The following ATG4B variants were observed in gnomAD, a reference collection of about 807,000 sequenced individuals.
The protein encoded by ATG4B is cysteine protease ATG4B.
ATG4B carries 29 observed loss-of-function variants against 56.6 expected under a neutral mutation model. The observed-to-expected ratio is 0.51, with a 90% confidence interval of 0.38 to 0.70. The LOEUF (loss-of-function observed/expected upper bound fraction) is 0.70. Among genes scored for constraint, ATG4B ranks in the 30% least tolerant of loss-of-function variants. The pLI, the probability that ATG4B is intolerant of heterozygous loss-of-function variation, is 0.00. For synonymous variants in ATG4B, 224 were observed against 206.1 expected, an observed-to-expected ratio of 1.09 and a Z score of -0.74; for missense variants, 461 against 515.5, an observed-to-expected ratio of 0.89 and a Z score of 1.02.
intron 1 of ATG4B, among the ~76,000 whole-genome samples, chr2:241,642,135 C>T (rs1397013711): frequency 6.6e-6 from 1 of 150,656 alleles, no homozygotes; most frequent in African/African-American, 2.4e-5. Flanking sequence ...GTTAGCATAA[C>T]ATGTAATGAA....
intron 7 of ATG4B, among the ~76,000 whole-genome samples, chr2:241,664,569 T>C (rs1383215329): frequency 1.3e-5 from 2 of 151,952 alleles, no homozygotes; most frequent in African/African-American, 2.4e-5. Flanking sequence ...ACAACTCCCT[T>C]AAGGCTGGGC....
intron 1 of ATG4B, among the ~76,000 whole-genome samples, chr2:241,645,084 T>G (rs956450778): frequency 6.6e-6 from 1 of 152,214 alleles, no homozygotes; most frequent in African/African-American, 2.4e-5. Flanking sequence ...CATTGTGTCT[T>G]CCTCTTCAGC....
chr2:241,648,328 G>A (rs1012423595), intron 1 of ATG4B, among the ~76,000 whole-genome samples: 3 of 152,098 alleles, frequency 2.0e-5, no homozygotes, highest in African/African-American at 7.2e-5. Context: ...CAGGTGCAGT[G>A]GCTCATGCCT....
Position 241,666,630 on chromosome 2 carries a change from T to C in ATG4B, c.539-15T>C, listed in dbSNP as rs1166040099. 1.9e-6 allele frequency: 3 copies of C among 1,612,624 alleles called. No individual in the cohort carries two copies. Among genetic ancestry groups the C allele is most frequent in the Non-Finnish European group, 2.5e-6 (3 of 1,179,552 alleles). On this transcript the variant is annotated splice_polypyrimidine_tract_variant and intron_variant, in intron 7 of 12. Coordinates refer to ENST00000404914, the MANE Select transcript of ATG4B (RefSeq NM_013325.5). ...CAGGTCTGCTTGGTTAGTGAAAGCA[T>C]GTCTCCCTTTCTAGGAAGGTTGTGC...
Position 241,670,728 on chromosome 2 carries a change from G to A in ATG4B, c.960G>A (p.Gly320=). 6.2e-7 allele frequency: 1 copy of A among 1,610,114 alleles called. No homozygotes were observed. Among genetic ancestry groups the A allele is most frequent in the African/African-American group, 1.3e-5 (1 of 75,010 alleles). Residue 320 remains glycine (G), a splice_region_variant and synonymous_variant, in exon 11 of 13, where the codon GGG becomes GGA. Coordinates refer to ENST00000404914, the MANE Select transcript of ATG4B (RefSeq NM_013325.5). The part of the protein sequence containing the change: ...IAELDPSIAV[G]FFCKTEDDFN... ...TGCTCATCGTCATTTCGTTTTAGGG[G>A]TTTTTCTGTAAGACTGAAGATGACT...
rs771508969 is a variant in ATG4B, at chr2:241,648,800, G to A, written c.11-2210G>A. Among the ~76,000 whole-genome samples, 125 of 152,156 alleles carry A rather than the reference G, an allele frequency of 8.2e-4. 3 individuals are homozygous for A. The highest frequency in any genetic ancestry group is 3.4e-4 in the Non-Finnish European group (23 of 68,040). On this transcript the variant is annotated intron_variant, in intron 1 of 12. Coordinates refer to ENST00000404914, the MANE Select transcript of ATG4B (RefSeq NM_013325.5). Reference sequence around the variant, plus strand: ...AACAGTGCCTGTAGGGCCCTCTATTGTGGATTTGGTAGTTCTGCCTGCACC... The same window carrying A: ...AACAGTGCCTGTAGGGCCCTCTATTATGGATTTGGTAGTTCTGCCTGCACC...
chr2:241,662,957 C>A (rs1007739373), intron 7 of ATG4B, among the ~76,000 whole-genome samples: 3 of 151,570 alleles, frequency 2.0e-5, no homozygotes, highest in African/African-American at 7.3e-5. Flanking sequence ...TAAAGCGGGC[C>A]GGGCGCGGTG....
At chr2:241,652,415 G>A (rs2068251989) in intron 3 of ATG4B, among the ~76,000 whole-genome samples, 1 of 152,254 alleles carries the variant, frequency 6.6e-6, no homozygotes, top group South Asian at 2.1e-4. Context: ...GAGGCCTTGT[G>A]GAGGAGGTAG....
In ATG4B at chr2:241,668,134, C is replaced by A. The variant is rs2068838085; in HGVS notation, c.733-9C>A. The stretch of plus-strand genomic sequence containing the variant: ...TGGGACCTGTGCTCAGTCCCCCGCC[C>A]CTCCACAGCACTGCTTCATGATGCC... On this transcript the variant is annotated splice_polypyrimidine_tract_variant and intron_variant, in intron 8 of 12. Transcript: ENST00000404914. This position sits in a 1 kb window ranked among gnomAD's most constrained non-coding sequence, Gnocchi z 4.2. 3 of 1,589,354 alleles carry A rather than the reference C, an allele frequency of 1.9e-6. No individual in the cohort carries two copies. The highest frequency in any genetic ancestry group is 2.7e-5 in the African/African-American group (2 of 74,266).
intron 7 of ATG4B, among the ~76,000 whole-genome samples, chr2:241,662,128 A>C (rs747487027): frequency 6.6e-6 from 1 of 152,170 alleles, no homozygotes; most frequent in Non-Finnish European, 1.5e-5. Context: ...AATTCCCCTG[A>C]GTTGGTGAGA....
intron 7 of ATG4B, among the ~76,000 whole-genome samples, chr2:241,662,599 C>T (rs969552696): frequency 3.9e-5 from 6 of 152,188 alleles, no homozygotes; most frequent in East Asian, 1.9e-4. Flanking sequence ...GGCCCAGCTA[C>T]GCATCAGCCC....
intron 1 of ATG4B, among the ~76,000 whole-genome samples, chr2:241,641,620 T>C (rs2067893586): frequency 6.6e-6 from 1 of 151,518 alleles, no homozygotes; most frequent in Admixed American, 6.6e-5. Flanking sequence ...AAGCTTTCTG[T>C]TGCGAGTTTG....
At chr2:241,655,922 C>T (rs983530328) in intron 6 of ATG4B, among the ~76,000 whole-genome samples, 12 of 152,192 alleles carry the variant, frequency 7.9e-5, no homozygotes, top group African/African-American at 2.4e-4. Flanking sequence ...GCTTCGTGTC[C>T]ACTCTTCACT....
At chr2:241,648,005 T>G (rs747638358) in intron 1 of ATG4B, among the ~76,000 whole-genome samples, 9 of 151,960 alleles carry the variant, frequency 5.9e-5, no homozygotes, top group Non-Finnish European at 1.2e-4. Context: ...TCCCAGCTAC[T>G]CGGGAGGATG....
At position 241,655,363 on chromosome 2, in the gene ATG4B, T is replaced by G; in HGVS notation, c.458+20T>G. ...CCTGAAGTATGTACTGCGCTTCCAC[T>G]GCTGAGCATGGGGCAGCAGGGATGT... On this transcript the variant is annotated intron_variant, in intron 6 of 12. Coordinates refer to ENST00000404914, the MANE Select transcript of ATG4B (RefSeq NM_013325.5). 6.3e-7 allele frequency: 1 copy of G among 1,596,788 alleles called. No homozygotes were observed. The highest frequency in any genetic ancestry group is 8.5e-7 in the Non-Finnish European group (1 of 1,171,364).
chr2:241,650,418 C>T (rs374958983), intron 1 of ATG4B, among the ~76,000 whole-genome samples: 138 of 152,200 alleles, frequency 9.1e-4, no homozygotes, highest in African/African-American at 3.2e-3. Context: ...GAACCCCAGT[C>T]TTCCCAGCAG....
At chr2:241,654,462 A>T in intron 4 of ATG4B, 84 bp from the exon 5 acceptor site, 10 of 699,798 alleles carry the variant, frequency 1.4e-5, no homozygotes, top group Non-Finnish European at 2.0e-5. Context: ...AAAGGTTTGG[A>T]TGCCATCTGT....
intron 7 of ATG4B, among the ~76,000 whole-genome samples, chr2:241,664,982 C>T (rs2068717445): frequency 6.6e-6 from 1 of 151,616 alleles, no homozygotes; most frequent in Admixed American, 6.6e-5. Context: ...TCAGGGGGCA[C>T]AGTGGCCCAC....
intron 1 of ATG4B, 54 bp downstream of exon 1, chr2:241,637,778 G>T: frequency 6.5e-7 from 1 of 1,538,544 alleles, no homozygotes; most frequent in Non-Finnish European, 8.7e-7. Context: ...CCTTATCATT[G>T]GCCTCCCCTG....
Sources: allele counts gnomAD v4.1 joint callset (sites outside exome capture counted in the v4.1 genomes callset), GRCh38; gene constraint gnomAD v4.1.1; non-coding constraint Gnocchi (gnomAD v3.1); transcripts MANE v1.5; gene names NCBI Gene and HGNC (gene_info 2026-07-23, HGNC 2026-07-21).